E2F2: variants seen among roughly 807,000 people sequenced by gnomAD.
The protein encoded by E2F2 is E2F transcription factor 2, also known as transcription factor E2F2.
E2F2 carries 22 observed loss-of-function variants against 42.2 expected under a neutral mutation model. The observed-to-expected ratio is 0.52, with a 90% CI of 0.37 to 0.74. The LOEUF is 0.74. Among genes scored for constraint, E2F2 ranks in the 30% least tolerant of loss-of-function variants. E2F2 has a pLI of 0.00. For synonymous variants in E2F2, 248 were observed against 251.6 expected, an observed-to-expected ratio of 0.99 and a Z score of 0.13; for missense variants, 481 against 557.8, an observed-to-expected ratio of 0.86 and a Z score of 1.39.
intron 1 of E2F2, among the ~76,000 whole-genome samples, chr1:23,526,880 C>A (rs1225622038): frequency 6.6e-6 from 1 of 150,716 alleles, no homozygotes; most frequent in Non-Finnish European, 1.5e-5. Flanking sequence ...CACACACACA[C>A]AGCCTTCTCT....
intron 3 of E2F2, 84 bp from the exon 4 acceptor site, chr1:23,521,155 T>G: frequency 7.3e-7 from 1 of 1,379,122 alleles, no homozygotes. Context: ...ATGAGGGTGC[T>G]TCCCTGGGTT....
chr1:23,524,252 C>T, intron 2 of E2F2, 131 bp downstream of exon 2: 1 of 712,960 alleles, frequency 1.4e-6, no homozygotes, highest in Non-Finnish European at 2.2e-6. Flanking sequence ...CTGGCAGGAT[C>T]AAATAATAAA....
chr1:23,505,987 G>A (rs1296482186), downstream of E2F2, among the ~76,000 whole-genome samples: 1 of 152,168 alleles, frequency 6.6e-6, no homozygotes, highest in East Asian at 1.9e-4. Flanking sequence ...TAGCAGAGAT[G>A]GGGTTTCACC....
chr1:23,507,097 G>C lies in E2F2; in HGVS notation c.*2783C>G, dbSNP rs1642810596. On this transcript the variant is annotated 3_prime_UTR_variant, in exon 7 of 7. Coordinates refer to ENST00000361729, the MANE Select transcript of E2F2 (RefSeq NM_004091.4). ...GCCCCAAGCTTTAGAAGTCCCTGGG[G>C]ACACGAGTGATTTTTTTAGGGGGGC... The C allele has an allele frequency of 7.3e-6, 1 of 136,760 alleles. No homozygotes were observed. Among genetic ancestry groups the C allele is most frequent in the East Asian group, 2.4e-4 (1 of 4,150 alleles). The allele number at this position is 136,760 out of a possible 1,614,324, so 8.5% of individuals were successfully genotyped here. A position where few individuals can be genotyped will look rare whatever the true frequency, so the allele number is the denominator to read the frequency against.
At chr1:23,521,707 C>T (rs1012011305) in intron 3 of E2F2, 130 bp downstream of exon 3, 3 of 1,486,314 alleles carry the variant, frequency 2.0e-6, no homozygotes, top group African/African-American at 2.8e-5. Flanking sequence ...TGGTCCGCCT[C>T]AGCCCTTGTG....
chr1:23,523,625 C>T (rs1643194277), intron 2 of E2F2, among the ~76,000 whole-genome samples: 1 of 152,308 alleles, frequency 6.6e-6, no homozygotes, highest in African/African-American at 2.4e-5. Flanking sequence ...TCCTTGTCTG[C>T]ATGTGGGAGA....
At position 23,509,848 on chromosome 1, in the gene E2F2, G is replaced by A. The variant is rs747633119; in HGVS notation, c.*32C>T. 1.2e-5 allele frequency: 18 copies of A among 1,519,502 alleles called. No homozygotes were observed. Among genetic ancestry groups the A allele is most frequent in the East Asian group, 4.7e-5 (2 of 42,276 alleles). The allele number at this position is 1,519,502 out of a possible 1,614,324, so 94.1% of individuals were successfully genotyped here. On this transcript the variant is annotated 3_prime_UTR_variant, in exon 7 of 7. Coordinates refer to ENST00000361729, the MANE Select transcript of E2F2 (RefSeq NM_004091.4). ...AGCCTGTCTGTGAGGAGGTAGAGTC[G>A]GGGGCAGGCTGCTGGGGGCAGGCAG...
At chr1:23,524,268 C>CAGGA in intron 2 of E2F2, 115 bp downstream of exon 2, 1 of 806,602 alleles carries the variant, frequency 1.2e-6, no homozygotes, top group Non-Finnish European at 1.9e-6. Context: ...ATAAAATACG[C>CAGGA]AGGAAGCTTT....
chr1:23,518,095 C>T (rs1199421772), intron 5 of E2F2, among the ~76,000 whole-genome samples: 1 of 152,018 alleles, frequency 6.6e-6, no homozygotes, highest in East Asian at 1.9e-4. Context: ...GGCTTGAACC[C>T]GGGAGGCAGA....
rs561558034 is a variant in E2F2, at chr1:23,527,091, T to C, written c.253-2603A>G. Among the ~76,000 whole-genome samples, 7 of 152,348 alleles carry C rather than the reference T, an allele frequency of 4.6e-5. No homozygotes were observed. The East Asian group carries it at 1.4e-3, about 29-fold the overall frequency. Reference sequence around the variant, plus strand: ...TCAAGGTGAGGCTGAGCACAGGTCTTGGAGTCAGACTGGCCTGGCTTTGCA... The same window carrying C: ...TCAAGGTGAGGCTGAGCACAGGTCTCGGAGTCAGACTGGCCTGGCTTTGCA... On this transcript the variant is annotated intron_variant, in intron 1 of 6. Transcript: ENST00000361729.
At chr1:23,515,465 G>C (rs1437405795) in intron 6 of E2F2, among the ~76,000 whole-genome samples, 5 of 152,148 alleles carry the variant, frequency 3.3e-5, no homozygotes, top group Admixed American at 2.6e-4. Context: ...CAAGGTTCAA[G>C]ACACAGCTCT....
In E2F2 at chr1:23,530,816, C is replaced by A; in HGVS notation, c.-23G>T. The A allele has an allele frequency of 6.8e-7, 1 of 1,474,364 alleles. No homozygotes were observed. The allele number at this position is 1,474,364 out of a possible 1,614,324, so 91.3% of individuals were successfully genotyped here. A position where few individuals can be genotyped will look rare whatever the true frequency, so the allele number is the denominator to read the frequency against. ...CATAGCGAGTAAGGCGCCCCCTACC[C>A]AAAAGGGCTTGGCGCGCCCGCGGAC... On this transcript the variant is annotated 5_prime_UTR_variant, in exon 1 of 7. Coordinates refer to ENST00000361729, the MANE Select transcript of E2F2 (RefSeq NM_004091.4). This position sits in a 1 kb window ranked among gnomAD's most constrained non-coding sequence, Gnocchi z 4.4.
chr1:23,509,056 T>G lies in E2F2; in HGVS notation c.*824A>C, dbSNP rs2148684639. 6.6e-6 allele frequency: 1 copy of G among 152,162 alleles called. No individual in the cohort carries two copies. Among genetic ancestry groups the G allele is most frequent in the Non-Finnish European group, 1.5e-5 (1 of 68,024 alleles). 9.4% of individuals were successfully genotyped at this position (152,162 alleles called of 1,614,324 possible). A position where few individuals can be genotyped will look rare whatever the true frequency, so the allele number is the denominator to read the frequency against. On this transcript the variant is annotated 3_prime_UTR_variant, in exon 7 of 7. Transcript: ENST00000361729. ...GTCTCTGCTGGACCATTTTTACATC[T>G]CAAGGGGAGAGGTAAGGACTTCCTC...
chr1:23,515,112 G>A lies in E2F2; in HGVS notation c.1045+1223C>T, dbSNP rs540204751. Among the ~76,000 whole-genome samples the A allele has an allele frequency of 1.2e-4, 18 of 152,268 alleles. No homozygotes were observed. In the Middle Eastern group the frequency reaches 0.01, roughly 86 times the overall value. On this transcript the variant is annotated intron_variant, in intron 6 of 6. Transcript: ENST00000361729. ...GCTCTACCTCTACCTTGGTCTAAAC[G>A]CTAGGGTTCTACTTAAGAGAATTCT... is the stretch of plus-strand genomic sequence containing the variant.
At chr1:23,516,237 T>C in intron 6 of E2F2, 98 bp downstream of exon 6, 1 of 1,371,204 alleles carries the variant, frequency 7.3e-7, no homozygotes, top group Non-Finnish European at 9.4e-7. Context: ...CCCCAGCTGC[T>C]GGATAAAACA....
chr1:23,526,296 C>A (rs1643249052), intron 1 of E2F2, among the ~76,000 whole-genome samples: 1 of 152,208 alleles, frequency 6.6e-6, no homozygotes, highest in Non-Finnish European at 1.5e-5. Context: ...CCCCAACATT[C>A]ATCACTTCAC....
chr1:23,509,707 A>G lies in E2F2; in HGVS notation c.*173T>C. 7.7e-7 allele frequency: 1 copy of G among 1,294,886 alleles called. No individual in the cohort carries two copies. Among genetic ancestry groups the G allele is most frequent in the Non-Finnish European group, 1.0e-6 (1 of 989,860 alleles). 80.2% of individuals were successfully genotyped at this position (1,294,886 alleles called of 1,614,324 possible). A position where few individuals can be genotyped will look rare whatever the true frequency, so the allele number is the denominator to read the frequency against. On this transcript the variant is annotated 3_prime_UTR_variant, in exon 7 of 7. Transcript: ENST00000361729. Reference sequence around the variant, plus strand: ...CACCCCTTATCCACTCCTCACCCGTACCATTCATATCTCCCCACACAGCTT... The same window carrying G: ...CACCCCTTATCCACTCCTCACCCGTGCCATTCATATCTCCCCACACAGCTT...
At position 23,519,191 on chromosome 1, in the gene E2F2, A is replaced by G; in HGVS notation, c.738-61T>C. Reference sequence around the variant, plus strand: ...TCAAAATTCAAACCCCAAACCTGCCAGGGAGCACCTTCACCCACCTCTCCT... The same window carrying G: ...TCAAAATTCAAACCCCAAACCTGCCGGGGAGCACCTTCACCCACCTCTCCT... On this transcript the variant is annotated intron_variant, in intron 4 of 6. Coordinates refer to ENST00000361729, the MANE Select transcript of E2F2 (RefSeq NM_004091.4). 2.4e-6 allele frequency: 3 copies of G among 1,258,320 alleles called. No individual in the cohort carries two copies. In the South Asian group the frequency reaches 3.7e-5, roughly 16 times the overall value. 77.9% of individuals were successfully genotyped at this position (1,258,320 alleles called of 1,614,324 possible).
At chr1:23,523,794 C>G (rs1013431601) in intron 2 of E2F2, among the ~76,000 whole-genome samples, 1 of 152,136 alleles carries the variant, frequency 6.6e-6, no homozygotes, top group Non-Finnish European at 1.5e-5. Flanking sequence ...GCGAGACTGG[C>G]CAGGCATGGT....
Sources: gnomAD v4.1 joint callset for allele counts (sites outside exome capture counted in the v4.1 genomes callset) on GRCh38, gnomAD v4.1.1 for gene constraint, Gnocchi (gnomAD v3.1) non-coding constraint, MANE v1.5 for transcripts, NCBI Gene and HGNC (gene_info 2026-07-23, HGNC 2026-07-21) for gene names.